The following TAC1 variants were observed in gnomAD, a reference collection of about 807,000 sequenced individuals.
The protein encoded by TAC1 is protachykinin-1.
In TAC1, 12 loss-of-function variants were observed where a neutral mutation model predicts 21.7. The ratio of observed to expected loss-of-function variants is 0.55; its 90% CI spans 0.35 to 0.89. The LOEUF (loss-of-function observed/expected upper bound fraction) is 0.89, where lower values mean the gene tolerates loss of function less well. Ranked by LOEUF, TAC1 falls within the 40% of genes least tolerant of loss-of-function variation. The pLI, the probability that TAC1 is intolerant of heterozygous loss-of-function variation, is 0.01. For missense variants in TAC1, 128 were observed against 151.4 expected (o/e 0.85, Z 0.81); for synonymous variants, 52 against 52.0 (o/e 1.00, Z 0.00).
At position 97,732,770 on chromosome 7, in the gene TAC1, T is replaced by C. The variant is rs1486637410; in HGVS notation, c.123+35T>C. The stretch of plus-strand genomic sequence containing the variant: ...CTTCCCAGGACGGCCCGCACCCTTC[T>C]TCCTGGGCTCGGGAGCTGTCACCTT... On this transcript the variant is annotated intron_variant, in intron 2 of 6. Coordinates refer to ENST00000319273, the MANE Select transcript of TAC1 (RefSeq NM_003182.3). This position sits in a 1 kb window ranked among gnomAD's most constrained non-coding sequence, Gnocchi z 6.2. The C allele has an allele frequency of 1.3e-6, 2 of 1,599,580 alleles. No individual in the cohort carries two copies. Among genetic ancestry groups the C allele is most frequent in the South Asian group, 2.2e-5 (2 of 89,950 alleles).
intron 6 of TAC1, among the ~76,000 whole-genome samples, chr7:97,738,020 A>G (rs942242258): frequency 7.9e-5 from 12 of 152,040 alleles, no homozygotes; most frequent in African/African-American, 2.9e-4. Context: ...TGTACTTAAA[A>G]TAATAACATA....
rs372957625 is a variant in TAC1 at position 97,739,966 on chromosome 7, C to T, written c.*46C>T. On this transcript the variant is annotated 3_prime_UTR_variant, in exon 7 of 7. Transcript: ENST00000319273. ...ATTCAGCTTCATTTGTGTCAATGGG[C>T]AATGACAGGTAAATTAAGACATGCA... 1 of 1,353,916 alleles carries T rather than the reference C, an allele frequency of 7.4e-7. No homozygotes were observed. The highest frequency in any genetic ancestry group is 1.0e-6 in the Non-Finnish European group (1 of 969,560). 83.9% of individuals were successfully genotyped at this position (1,353,916 alleles called of 1,614,324 possible).
Position 97,732,545 on chromosome 7 carries a change from C to T in TAC1, c.-9-59C>T. On this transcript the variant is annotated intron_variant, in intron 1 of 6. Coordinates refer to ENST00000319273, the MANE Select transcript of TAC1 (RefSeq NM_003182.3). This position sits in a 1 kb window ranked among gnomAD's most constrained non-coding sequence, Gnocchi z 6.2. The stretch of plus-strand genomic sequence containing the variant: ...TCTGTTGCTTTAACTCTTGGATAAC[C>T]ACCCCTAATAGATACATTATTTCTC... 4 of 1,585,714 alleles carry T rather than the reference C, an allele frequency of 2.5e-6. No individual in the cohort carries two copies. The highest frequency in any genetic ancestry group is 3.4e-6 in the Non-Finnish European group (4 of 1,164,126).
intron 5 of TAC1, among the ~76,000 whole-genome samples, chr7:97,735,519 C>T (rs998656680): frequency 3.3e-5 from 5 of 152,150 alleles, no homozygotes. Flanking sequence ...GGTCTATCTT[C>T]ATCGTATTGT....
chr7:97,732,992 AGC>A lies in TAC1; in HGVS notation c.123+258_123+259del. 2.6e-6 allele frequency: 1 copy of A among 380,058 alleles called. No individual in the cohort carries two copies. The highest frequency in any genetic ancestry group is 4.8e-6 in the Non-Finnish European group (1 of 209,796). The allele number at this position is 380,058 out of a possible 1,614,324, so 23.5% of individuals were successfully genotyped here. On this transcript the variant is annotated intron_variant, in intron 2 of 6. Transcript: ENST00000319273. This position sits in a 1 kb window ranked among gnomAD's most constrained non-coding sequence, Gnocchi z 6.2. ...TGCAGTAGGGATGCCCTCCCGGATG[AGC>A]CCGAGATCCTCACAAGGCGGGAAAT... is the stretch of plus-strand genomic sequence containing the variant.
chr7:97,733,692 C>G, intron 2 of TAC1, 31 bp from the exon 3 acceptor site: 1 of 1,610,724 alleles, frequency 6.2e-7, no homozygotes, highest in Non-Finnish European at 8.5e-7. Flanking sequence ...GGTTGCCTTA[C>G]ACGCCCTTTG....
At position 97,732,391 on chromosome 7, in the gene TAC1, G is replaced by A. The variant is rs1004403656; in HGVS notation, c.-10+196G>A. Reference sequence around the variant, plus strand: ...TGTGGGTTGGTGGGTTAGGGGGCTGGGGGAGTTGGGATTCAGGGAGAAGAG... The same window carrying A: ...TGTGGGTTGGTGGGTTAGGGGGCTGAGGGAGTTGGGATTCAGGGAGAAGAG... On this transcript the variant is annotated intron_variant, in intron 1 of 6. Coordinates refer to ENST00000319273, the MANE Select transcript of TAC1 (RefSeq NM_003182.3). This position sits in a 1 kb window ranked among gnomAD's most constrained non-coding sequence, Gnocchi z 6.2. Among the ~76,000 whole-genome samples, 10 of 152,292 alleles carry A rather than the reference G, an allele frequency of 6.6e-5. No homozygotes were observed. Among genetic ancestry groups the A allele is most frequent in the African/African-American group, 2.4e-4 (10 of 41,556 alleles).
At position 97,734,837 on chromosome 7, in the gene TAC1, A is replaced by G. The variant is rs1280848148; in HGVS notation, c.277A>G (p.Ile93Val). The change falls in exon 5 of 7, where the codon ATC becomes GTC. Residue 93 changes from isoleucine (I) to valine (V), a missense_variant. Transcript: ENST00000319273. ...TATCTTTCTTCTAGGACATGGCCAG[A>G]TCTCTCACAAAAGTAAGTTCAAAAT... ...LLKALYGHGQ[I>V]SHKRHKTDSF... 6.3e-7 allele frequency: 1 copy of G among 1,596,286 alleles called. No homozygotes were observed. The highest frequency in any genetic ancestry group is 2.2e-5 in the East Asian group (1 of 44,582).
At chr7:97,733,230 T>G (rs1584415660) in intron 2 of TAC1, 1 of 175,424 alleles carries the variant, frequency 5.7e-6, no homozygotes, top group East Asian at 1.6e-4. Flanking sequence ...GGATGTAGCT[T>G]GAAGTCTCCC....
In TAC1 at chr7:97,733,714, G is replaced by T. The variant is rs1043683232; in HGVS notation, c.124-9G>T. On this transcript the variant is annotated splice_polypyrimidine_tract_variant and intron_variant, in intron 2 of 6. Coordinates refer to ENST00000319273, the MANE Select transcript of TAC1 (RefSeq NM_003182.3). The stretch of plus-strand genomic sequence containing the variant: ...TTACACGCCCTTTGTCCGTGCTTTT[G>T]TCTCCCAGGAGGAACTGCCGGAGCC... The T allele has an allele frequency of 4.0e-5, 64 of 1,613,768 alleles. No homozygotes were observed. The highest frequency in any genetic ancestry group is 5.3e-5 in the Non-Finnish European group (62 of 1,179,918).
rs181880517 is a variant in TAC1, at chr7:97,740,243, G to T, written c.*323G>T. On this transcript the variant is annotated 3_prime_UTR_variant, in exon 7 of 7. Transcript: ENST00000319273. ...TTGAAGCAGTTGTGTCAGCTACTGC[G>T]GAAAAGGAAGGAAACTCCTGACAGT... The T allele has an allele frequency of 5.5e-5, 10 of 180,210 alleles. No homozygotes were observed. The highest frequency in any genetic ancestry group is 9.3e-5 in the Non-Finnish European group (8 of 86,412). The allele number at this position is 180,210 out of a possible 1,614,324, so 11.2% of individuals were successfully genotyped here. A position where few individuals can be genotyped will look rare whatever the true frequency, so the allele number is the denominator to read the frequency against.
chr7:97,735,613 C>T (rs1789561056), intron 5 of TAC1, among the ~76,000 whole-genome samples: 5 of 152,196 alleles, frequency 3.3e-5, no homozygotes, highest in Non-Finnish European at 7.4e-5. Flanking sequence ...CTATTCTCAA[C>T]TATTAAAATA....
intron 6 of TAC1, among the ~76,000 whole-genome samples, chr7:97,737,330 C>G (rs1050995671): frequency 1.3e-5 from 2 of 151,872 alleles, no homozygotes; most frequent in African/African-American, 4.8e-5. Context: ...TTTCCAGTTT[C>G]TAGACAATCT....
rs1789470321 is a variant in TAC1, at chr7:97,732,988, G to C, written c.123+253G>C. On this transcript the variant is annotated intron_variant, in intron 2 of 6. Coordinates refer to ENST00000319273, the MANE Select transcript of TAC1 (RefSeq NM_003182.3). The surrounding 1 kb of genome is among the most constrained non-coding windows in gnomAD (Gnocchi z 6.2). Reference sequence around the variant, plus strand: ...TCCCTGCAGTAGGGATGCCCTCCCGGATGAGCCCGAGATCCTCACAAGGCG... The same window carrying C: ...TCCCTGCAGTAGGGATGCCCTCCCGCATGAGCCCGAGATCCTCACAAGGCG... 4.8e-6 allele frequency: 2 copies of C among 419,888 alleles called. No homozygotes were observed. The highest frequency in any genetic ancestry group is 7.1e-5 in the Admixed American group (2 of 28,002). 26.0% of individuals were successfully genotyped at this position (419,888 alleles called of 1,614,324 possible).
At chr7:97,733,890 C>T (rs1789498768) in intron 3 of TAC1, 71 bp downstream of exon 3, 2 of 1,435,838 alleles carry the variant, frequency 1.4e-6, no homozygotes, top group African/African-American at 1.4e-5. Context: ...CTGGAGTACC[C>T]CAGGGTCTCT....
At chr7:97,733,655 G>A (rs1488168965) in intron 2 of TAC1, 68 bp from the exon 3 acceptor site, 6 of 1,515,288 alleles carry the variant, frequency 4.0e-6, no homozygotes, top group African/African-American at 1.4e-5. Flanking sequence ...CGGGGGGAAG[G>A]GCTCGGGTTG....
At position 97,732,946 on chromosome 7, in the gene TAC1, C is replaced by T. The variant is rs1205977937; in HGVS notation, c.123+211C>T. On this transcript the variant is annotated intron_variant, in intron 2 of 6. Transcript: ENST00000319273. The surrounding 1 kb of genome is among the most constrained non-coding windows in gnomAD (Gnocchi z 6.2). ...TTCAAGTTTCTTCCCGAGGGCTGCA[C>T]CGTCCGGCCCAGGAACTCCCTGCAG... 3.3e-6 allele frequency: 2 copies of T among 610,784 alleles called. No individual in the cohort carries two copies. The highest frequency in any genetic ancestry group is 6.2e-5 in the Admixed American group (2 of 32,492). 37.8% of individuals were successfully genotyped at this position (610,784 alleles called of 1,614,324 possible).
Position 97,736,322 on chromosome 7 carries a change from G to A in TAC1, c.313G>A (p.Gly105Arg). Reference protein sequence around the residue: ...HKRHKTDSFVGLMGKRALNSV... With the variant: ...HKRHKTDSFVRLMGKRALNSV... Reference sequence around the variant, plus strand: ...AGGACATAAAACAGATTCCTTTGTTGGACTAATGGGCAAAAGAGCTTTAAA... The same window carrying A: ...AGGACATAAAACAGATTCCTTTGTTAGACTAATGGGCAAAAGAGCTTTAAA... Residue 105 changes from glycine (G) to arginine (R), a missense_variant, in exon 6 of 7, where the codon GGA (glycine) becomes AGA (arginine). By Grantham distance (125) the Gly-to-Arg change is moderately radical. Coordinates refer to ENST00000319273, the MANE Select transcript of TAC1 (RefSeq NM_003182.3). 6.2e-7 allele frequency: 1 copy of A among 1,611,542 alleles called. No individual in the cohort carries two copies. The highest frequency in any genetic ancestry group is 8.5e-7 in the Non-Finnish European group (1 of 1,178,402).
Position 97,732,983 on chromosome 7 carries a change from TCCCG to T in TAC1, c.123+249_123+252del. On this transcript the variant is annotated intron_variant, in intron 2 of 6. Coordinates refer to ENST00000319273, the MANE Select transcript of TAC1 (RefSeq NM_003182.3). This position sits in a 1 kb window ranked among gnomAD's most constrained non-coding sequence, Gnocchi z 6.2. ...GGAACTCCCTGCAGTAGGGATGCCC[TCCCG>T]GATGAGCCCGAGATCCTCACAAGGC... 1 of 385,358 alleles carries T rather than the reference TCCCG, an allele frequency of 2.6e-6. No homozygotes were observed. Among genetic ancestry groups the T allele is most frequent in the South Asian group, 5.9e-5 (1 of 16,982 alleles). 23.9% of individuals were successfully genotyped at this position (385,358 alleles called of 1,614,324 possible). A position where few individuals can be genotyped will look rare whatever the true frequency, so the allele number is the denominator to read the frequency against.
Sources: allele counts gnomAD v4.1 joint callset (sites outside exome capture counted in the v4.1 genomes callset), GRCh38; gene constraint gnomAD v4.1.1; non-coding constraint Gnocchi (gnomAD v3.1); transcripts MANE v1.5; gene names NCBI Gene and HGNC (gene_info 2026-07-23, HGNC 2026-07-21).